The following ME3 variants were observed in gnomAD, a reference collection of about 807,000 sequenced individuals.
ME3 encodes NADP-dependent malic enzyme, mitochondrial.
A neutral mutation model predicts 68.9 loss-of-function variants in ME3; 48 were observed. The observed-to-expected ratio is 0.70, with a 90% CI of 0.55 to 0.89. The LOEUF (loss-of-function observed/expected upper bound fraction) is 0.89, where lower values mean the gene tolerates loss of function less well. Among genes scored for constraint, ME3 ranks in the 40% least tolerant of loss-of-function variants. The pLI, the probability that ME3 is intolerant of heterozygous loss-of-function variation, is 0.00. For missense variants in ME3, 675 were observed against 797.4 expected (o/e 0.85, Z 1.85); for synonymous variants, 320 against 318.8 (o/e 1.00, Z -0.04).
intron 2 of ME3, among the ~76,000 whole-genome samples, chr11:86,612,418 G>A (rs532495979): frequency 6.6e-6 from 1 of 152,094 alleles, no homozygotes; most frequent in Non-Finnish European, 1.5e-5. Context: ...ATTCCTTTGG[G>A]TATATATCCA....
At chr11:86,614,867 C>G (rs139227995) in intron 2 of ME3, among the ~76,000 whole-genome samples, 1,631 of 152,270 alleles carry the variant, frequency 0.011, 32 homozygotes, top group African/African-American at 0.037. Context: ...ATATTAAGAG[C>G]TTGGTACTCC....
At chr11:86,503,539 C>G (rs1452203819) in intron 5 of ME3, among the ~76,000 whole-genome samples, 1 of 152,228 alleles carries the variant, frequency 6.6e-6, no homozygotes, top group Non-Finnish European at 1.5e-5. Context: ...GGCAGCCCAA[C>G]CTCTCCTTCT....
intron 6 of ME3, among the ~76,000 whole-genome samples, chr11:86,491,385 T>C (rs560041170): frequency 6.6e-6 from 1 of 152,330 alleles, no homozygotes; most frequent in East Asian, 1.9e-4. Context: ...CGGGTCCTCC[T>C]GGAGGAGGTC....
chr11:86,630,912 G>A (rs924550708), intron 2 of ME3, among the ~76,000 whole-genome samples: 1 of 152,368 alleles, frequency 6.6e-6, no homozygotes, highest in East Asian at 1.9e-4. Flanking sequence ...AACCTGGAAA[G>A]GAGCAGGGTG....
At chr11:86,492,585 ATAGTTACT>A (rs1952069123) in intron 6 of ME3, among the ~76,000 whole-genome samples, 1 of 152,194 alleles carries the variant, frequency 6.6e-6, no homozygotes, top group African/African-American at 2.4e-5. Flanking sequence ...CCTCTGTTAG[ATAGTTACT>A]AAGTCCCCTT....
chr11:86,506,069 C>T (rs755174379), intron 5 of ME3, among the ~76,000 whole-genome samples: 3 of 152,204 alleles, frequency 2.0e-5, no homozygotes, highest in Non-Finnish European at 2.9e-5. Context: ...TCTGAACCTC[C>T]AGGGAGCTCT....
chr11:86,541,418 A>C (rs1478478065), intron 4 of ME3, among the ~76,000 whole-genome samples: 1 of 152,216 alleles, frequency 6.6e-6, no homozygotes, highest in African/African-American at 2.4e-5. Flanking sequence ...CGCTGCCAGC[A>C]CAGCAGTCTG....
intron 2 of ME3, among the ~76,000 whole-genome samples, chr11:86,659,060 G>A (rs72957476): frequency 0.072 from 10,932 of 152,198 alleles, 468 homozygotes; most frequent in East Asian, 0.14. Context: ...TAAGCTTTCT[G>A]TCAGTTTGTG....
intron 4 of ME3, among the ~76,000 whole-genome samples, chr11:86,523,081 A>T (rs910638541): frequency 1.2e-4 from 19 of 152,214 alleles, no homozygotes; most frequent in Non-Finnish European, 2.6e-4. Context: ...TAAAGGTGTT[A>T]AACCAGCAAA....
chr11:86,662,183 C>T (rs1946325338), intron 2 of ME3, among the ~76,000 whole-genome samples: 1 of 152,208 alleles, frequency 6.6e-6, no homozygotes, highest in Non-Finnish European at 1.5e-5. Flanking sequence ...AAGAGGGAAC[C>T]TGCACACTAG....
At chr11:86,503,679 TG>T (rs1159647990) in intron 5 of ME3, among the ~76,000 whole-genome samples, 2 of 152,230 alleles carry the variant, frequency 1.3e-5, no homozygotes, top group African/African-American at 4.8e-5. Context: ...TAACACAGAC[TG>T]GGCCAATGCA....
intron 4 of ME3, among the ~76,000 whole-genome samples, chr11:86,549,830 T>C (rs923769396): frequency 6.6e-6 from 1 of 152,022 alleles, no homozygotes; most frequent in African/African-American, 2.4e-5. Flanking sequence ...GTGAATGAGA[T>C]GAGGGGGCTT....
intron 4 of ME3, among the ~76,000 whole-genome samples, chr11:86,524,462 G>C (rs773687023): frequency 6.6e-6 from 1 of 152,166 alleles, no homozygotes; most frequent in Admixed American, 6.5e-5. Flanking sequence ...AAATAGGCTA[G>C]GAGCTCAGAA....
intron 2 of ME3, among the ~76,000 whole-genome samples, chr11:86,561,176 A>G (rs986357846): frequency 6.6e-6 from 1 of 152,018 alleles, no homozygotes. Context: ...TCTTTGACAT[A>G]CTACCCATAA....
At chr11:86,537,178 C>G (rs1397790086) in intron 4 of ME3, among the ~76,000 whole-genome samples, 2 of 150,486 alleles carry the variant, frequency 1.3e-5, no homozygotes, top group Non-Finnish European at 3.0e-5. Context: ...GGAGATACAC[C>G]TAATGCTAGA....
chr11:86,458,253 A>T (rs569306444), intron 8 of ME3, among the ~76,000 whole-genome samples: 1 of 152,250 alleles, frequency 6.6e-6, no homozygotes, highest in Non-Finnish European at 1.5e-5. Flanking sequence ...CTTGTTCTCA[A>T]ATAAAACTCT....
At chr11:86,541,379 C>T (rs371126286) in intron 4 of ME3, among the ~76,000 whole-genome samples, 2 of 152,216 alleles carry the variant, frequency 1.3e-5, no homozygotes, top group Non-Finnish European at 2.9e-5. Flanking sequence ...CAGAGCCCAG[C>T]AAGCTAAGAT....
intron 2 of ME3, among the ~76,000 whole-genome samples, chr11:86,624,895 G>A (rs577407460): frequency 6.6e-6 from 1 of 152,320 alleles, no homozygotes; most frequent in Non-Finnish European, 1.5e-5. Flanking sequence ...AAGCCACAGA[G>A]AAAAGAGAAA....
intron 2 of ME3, among the ~76,000 whole-genome samples, chr11:86,654,603 A>C (rs1479139936): frequency 6.6e-6 from 1 of 152,248 alleles, no homozygotes; most frequent in African/African-American, 2.4e-5. Flanking sequence ...ATCTCAAAAT[A>C]ATAAGAGCTG....
Sources: allele counts gnomAD v4.1 joint callset (sites outside exome capture counted in the v4.1 genomes callset), GRCh38; gene constraint gnomAD v4.1.1; transcripts MANE v1.5; gene names NCBI Gene and HGNC (gene_info 2026-07-23, HGNC 2026-07-21).